The following CDH18 variants were observed in gnomAD, a reference collection of about 807,000 sequenced individuals.
CDH18 encodes cadherin-18.
In CDH18, 31 loss-of-function variants were observed where a neutral mutation model predicts 67.9. The observed-to-expected ratio is 0.46, with a 90% CI of 0.34 to 0.62. CDH18 has a LOEUF of 0.62. Ranked by LOEUF, CDH18 falls within the 20% of genes least tolerant of loss-of-function variation. The pLI is 0.01. For missense variants in CDH18, 890 were observed against 975.5 expected (o/e 0.91, Z 1.17); for synonymous variants, 362 against 347.2 (o/e 1.04, Z -0.48).
intron 2 of CDH18, among the ~76,000 whole-genome samples, chr5:20,127,004 T>C (rs1401464990): frequency 6.6e-6 from 1 of 152,162 alleles, no homozygotes; most frequent in Non-Finnish European, 1.5e-5. Flanking sequence ...TGTAATTCCA[T>C]GTTCATTGCA....
intron 1 of CDH18, among the ~76,000 whole-genome samples, chr5:20,398,610 T>G (rs71610659): frequency 3.3e-5 from 5 of 151,854 alleles, no homozygotes; most frequent in Admixed American, 1.3e-4. Context: ...CCATGGCACA[T>G]GTATACCTAT....
intron 1 of CDH18, among the ~76,000 whole-genome samples, chr5:20,542,815 T>C (rs1041686035): frequency 1.3e-5 from 2 of 152,098 alleles, no homozygotes; most frequent in Non-Finnish European, 2.9e-5. Context: ...GATTTATTTA[T>C]ACATTATTGT....
intron 2 of CDH18, among the ~76,000 whole-genome samples, chr5:19,972,204 A>T (rs903283819): frequency 6.6e-6 from 1 of 152,038 alleles, no homozygotes. Flanking sequence ...TTTCTCATTT[A>T]TATATTATCC....
intron 3 of CDH18, among the ~76,000 whole-genome samples, chr5:19,802,742 T>C (rs1175225041): frequency 6.6e-6 from 1 of 152,226 alleles, no homozygotes; most frequent in Non-Finnish European, 1.5e-5. Context: ...CACTGGCTCA[T>C]GACTTAGGCT....
chr5:20,242,599 A>AT lies in CDH18; in HGVS notation c.-518+12844_-518+12845insA, dbSNP rs1314359446. 6.5e-3 allele frequency among the ~76,000 whole-genome samples: 452 copies of AT among 69,752 alleles called. 11 individuals carry two copies. Among genetic ancestry groups the AT allele is most frequent in the African/African-American group, 0.042 (435 of 10,306 alleles). The allele number at this position is 69,752 out of a possible 152,430, so 45.8% of individuals were successfully genotyped here. Reference sequence around the variant, plus strand: ...TAGGTTTTGGGTTTCATTGAGGGAAAAAAAAAAAAAAAATATATATATATA... The same window carrying AT: ...TAGGTTTTGGGTTTCATTGAGGGAAATAAAAAAAAAAAAATATATATATATA... On this transcript the variant is annotated intron_variant, in intron 2 of 14. Coordinates refer to the CDH18 transcript ENST00000507958.
intron 2 of CDH18, among the ~76,000 whole-genome samples, chr5:20,124,339 C>T (rs1252439471): frequency 6.6e-6 from 1 of 152,092 alleles, no homozygotes; most frequent in Non-Finnish European, 1.5e-5. Flanking sequence ...GAGAAAGAAT[C>T]GCGCTGCAAA....
chr5:19,511,997 T>C (rs1745201360), intron 10 of CDH18, among the ~76,000 whole-genome samples: 2 of 151,994 alleles, frequency 1.3e-5, no homozygotes, highest in Non-Finnish European at 2.9e-5. Context: ...GGAAAAACTG[T>C]TTTTGTGGGC....
intron 1 of CDH18, among the ~76,000 whole-genome samples, chr5:20,405,407 C>T (rs577289875): frequency 1.4e-4 from 22 of 152,238 alleles, no homozygotes; most frequent in South Asian, 6.2e-4. Flanking sequence ...AAACTGGACC[C>T]CTTCCTTACA....
chr5:20,294,305 T>G (rs1747324907), intron 1 of CDH18, among the ~76,000 whole-genome samples: 1 of 152,212 alleles, frequency 6.6e-6, no homozygotes, highest in Non-Finnish European at 1.5e-5. Context: ...TCCTTGCACA[T>G]GATTAAGCCT....
chr5:19,910,220 T>C (rs1181696300), intron 2 of CDH18, among the ~76,000 whole-genome samples: 8 of 152,178 alleles, frequency 5.3e-5, no homozygotes, highest in Non-Finnish European at 1.2e-4. Flanking sequence ...GAATATACAA[T>C]ATATTATGAT....
intron 1 of CDH18, among the ~76,000 whole-genome samples, chr5:20,502,505 G>A (rs998322566): frequency 6.6e-6 from 1 of 152,166 alleles, no homozygotes; most frequent in African/African-American, 2.4e-5. Context: ...TTAATGAAGT[G>A]TGGCAAGTAA....
At chr5:19,608,869 T>C (rs1461047000) in intron 6 of CDH18, among the ~76,000 whole-genome samples, 1 of 151,890 alleles carries the variant, frequency 6.6e-6, no homozygotes, top group Non-Finnish European at 1.5e-5. Flanking sequence ...TTATTTGGCA[T>C]GTGTTATGCT....
At chr5:20,300,732 C>T (rs938163739) in intron 1 of CDH18, among the ~76,000 whole-genome samples, 1 of 152,124 alleles carries the variant, frequency 6.6e-6, no homozygotes, top group Admixed American at 6.5e-5. Flanking sequence ...CTGCTCCTTG[C>T]TAAATTGATA....
At chr5:20,477,200 CAT>C (rs1752499178) in intron 1 of CDH18, among the ~76,000 whole-genome samples, 1 of 152,042 alleles carries the variant, frequency 6.6e-6, no homozygotes, top group Admixed American at 6.6e-5. Context: ...TACACACACA[CAT>C]ACACACACCC....
At chr5:19,609,136 C>CTTTAATGA (rs746805390) in intron 6 of CDH18, among the ~76,000 whole-genome samples, 1 of 151,898 alleles carries the variant, frequency 6.6e-6, no homozygotes, top group African/African-American at 2.4e-5. Flanking sequence ...AATAGATTAC[C>CTTTAATGA]TTTAATGAAA....
chr5:19,988,642 G>T (rs773973537), upstream of CDH18, among the ~76,000 whole-genome samples: 3 of 152,020 alleles, frequency 2.0e-5, no homozygotes, highest in Non-Finnish European at 2.9e-5. Flanking sequence ...ACTGTCAGAT[G>T]GAGTGGGAGT....
rs192685977 is a variant in CDH18, at chr5:19,565,559, C to G, written c.1253+6020G>C. ...CTTAGATAATAACACCCAATTAATC[C>G]CCTTTGAGTACTTGGAAGAGTCCCC... On this transcript the variant is annotated intron_variant, in intron 8 of 12. Coordinates refer to ENST00000382275, the MANE Select transcript of CDH18 (RefSeq NM_004934.5). 1.6e-3 allele frequency among the ~76,000 whole-genome samples: 250 copies of G among 152,234 alleles called. 2 individuals carry two copies. The highest frequency in any genetic ancestry group is 2.9e-3 in the Non-Finnish European group (195 of 68,024).
chr5:20,235,484 CA>C (rs1208128332), intron 2 of CDH18, among the ~76,000 whole-genome samples: 1 of 152,086 alleles, frequency 6.6e-6, no homozygotes, highest in African/African-American at 2.4e-5. Flanking sequence ...AAACACGTCT[CA>C]AAAGAAGACA....
chr5:20,315,561 C>G (rs920884438), intron 1 of CDH18, among the ~76,000 whole-genome samples: 9 of 152,156 alleles, frequency 5.9e-5, no homozygotes, highest in African/African-American at 1.9e-4. Context: ...CTTCTGCATC[C>G]TTTTTCGACT....
Sources: allele counts gnomAD v4.1 joint callset (sites outside exome capture counted in the v4.1 genomes callset), GRCh38; gene constraint gnomAD v4.1.1; transcripts MANE v1.5; gene names NCBI Gene and HGNC (gene_info 2026-07-23, HGNC 2026-07-21).